Variants in FLT4 observed in about 807,000 individuals in gnomAD.
FLT4 encodes the protein vascular endothelial growth factor receptor 3.
Under a neutral mutation model 163.2 loss-of-function variants are expected in FLT4, and 30 were observed. The ratio of observed to expected loss-of-function variants is 0.18; its 90% CI spans 0.14 to 0.25. The LOEUF (loss-of-function observed/expected upper bound fraction) is 0.25. Ranked by LOEUF, FLT4 falls within the 10% of genes least tolerant of loss-of-function variation. The pLI is 1.00. For synonymous variants in FLT4, 884 were observed against 789.5 expected (o/e 1.12, Z -2.01); for missense variants, 1,510 against 1,863.8 (o/e 0.81, Z 3.50).
At chr5:180,612,711 C>A in intron 25 of FLT4, 100 bp from the exon 26 acceptor site, 1 of 834,768 alleles carries the variant, frequency 1.2e-6, no homozygotes, top group Admixed American at 1.8e-5. Context: ...ACTCTGCCCT[C>A]CTCCTGACAC....
rs1762904778 is a variant in FLT4, at chr5:180,619,045, C to T, written c.2826G>A (p.Lys942=). ...YGNLSNFLRA[K]RDAFSPCAEK... ...CCGCGCAGGGGCTGAAGGCGTCCCG[C>T]TTGGCGCGCAGGAAGTTGGAGAGGT... Residue 942 remains lysine, a synonymous_variant, in exon 20 of 30, where the codon AAG becomes AAA. Coordinates refer to ENST00000261937, the MANE Select transcript of FLT4 (RefSeq NM_182925.5). 6.4e-7 allele frequency: 1 copy of T among 1,555,564 alleles called. No individual in the cohort carries two copies.
Position 180,649,578 on chromosome 5 carries a change from G to A in FLT4, c.-33C>T. ...CGCTGCGCGTGGGTCCGACCCGAGCGGCCGCGGCTCGGGGCTGAAAGTGTC... is the reference window on the plus strand; with the variant it reads ...CGCTGCGCGTGGGTCCGACCCGAGCAGCCGCGGCTCGGGGCTGAAAGTGTC... On this transcript the variant is annotated 5_prime_UTR_variant, in exon 1 of 30. Coordinates refer to ENST00000261937, the MANE Select transcript of FLT4 (RefSeq NM_182925.5). The A allele has an allele frequency of 2.2e-6, 3 of 1,353,144 alleles. No homozygotes were observed. The highest frequency in any genetic ancestry group is 2.8e-4 in the Middle Eastern group (1 of 3,598). The allele number at this position is 1,353,144 out of a possible 1,614,324, so 83.8% of individuals were successfully genotyped here.
At chr5:180,606,303 C>T (rs1761779653) in intron 29 of FLT4, among the ~76,000 whole-genome samples, 1 of 152,246 alleles carries the variant, frequency 6.6e-6, no homozygotes. Context: ...TGGCTCGCCG[C>T]CCTTTCAGAA....
chr5:180,628,362 C>T (rs373808350), intron 8 of FLT4, among the ~76,000 whole-genome samples: 19 of 152,298 alleles, frequency 1.2e-4, no homozygotes, highest in Non-Finnish European at 2.8e-4. Context: ...GCTTGCAGAT[C>T]GGGGATCTGC....
Position 180,622,721 on chromosome 5 carries a change from G to C in FLT4, c.1657+10C>G, listed in dbSNP as rs1251965664. On this transcript the variant is annotated intron_variant, in intron 12 of 29. Transcript: ENST00000261937. ...TACCCAGGCCTCCCCGCCCTGGTCT[G>C]GTCACTCACTGGTCACATAGAAGTA... is the stretch of plus-strand genomic sequence containing the variant. 12 of 1,568,796 alleles carry C rather than the reference G, an allele frequency of 7.6e-6. No individual in the cohort carries two copies. The highest frequency in any genetic ancestry group is 1.1e-5 in the Non-Finnish European group (12 of 1,139,662).
intron 27 of FLT4, among the ~76,000 whole-genome samples, chr5:180,610,775 T>C (rs994709623): frequency 2.6e-5 from 4 of 152,130 alleles, no homozygotes; most frequent in African/African-American, 9.7e-5. Flanking sequence ...AAAAGTACGC[T>C]TGCCGGGCGC....
intron 24 of FLT4, 129 bp downstream of exon 24, chr5:180,613,939 C>A (rs1762412751): frequency 2.7e-6 from 2 of 748,758 alleles, no homozygotes; most frequent in Non-Finnish European, 4.8e-6. Context: ...GGCCCACAAA[C>A]CACCTGCTTC....
intron 22 of FLT4, 94 bp downstream of exon 22, chr5:180,616,806 A>C (rs1047904600): frequency 1.0e-6 from 1 of 989,412 alleles, no homozygotes; most frequent in Non-Finnish European, 1.6e-6. Flanking sequence ...TGGACCACAG[A>C]GCCATTGCAG....
At chr5:180,633,817 C>T (rs1450173938) in intron 1 of FLT4, among the ~76,000 whole-genome samples, 2 of 152,174 alleles carry the variant, frequency 1.3e-5, no homozygotes, top group Non-Finnish European at 2.9e-5. Context: ...TCTACCTTCC[C>T]AGTGGACCTA....
intron 1 of FLT4, among the ~76,000 whole-genome samples, chr5:180,634,530 G>A (rs1012758353): frequency 1.1e-4 from 17 of 151,628 alleles, no homozygotes; most frequent in African/African-American, 3.6e-4. Flanking sequence ...GTGAAATCCC[G>A]TCTCTACTAA....
Position 180,621,906 on chromosome 5 carries a change from T to C in FLT4, c.1658-2A>G. ...CGATGGTGAAGCCGTCGGGGATGGC[T>C]GTGGAGGGAGGAAGAAGCCCTGTGG... On this transcript the variant is annotated splice_acceptor_variant, in intron 12 of 29. Coordinates refer to ENST00000261937, the MANE Select transcript of FLT4 (RefSeq NM_182925.5). LOFTEE classifies it high-confidence loss of function. 2 of 1,613,344 alleles carry C rather than the reference T, an allele frequency of 1.2e-6. No individual in the cohort carries two copies. Among genetic ancestry groups the C allele is most frequent in the Non-Finnish European group, 1.7e-6 (2 of 1,179,944 alleles).
chr5:180,641,947 G>A (rs1195934785), intron 1 of FLT4, among the ~76,000 whole-genome samples: 2 of 152,164 alleles, frequency 1.3e-5, no homozygotes, highest in African/African-American at 2.4e-5. Context: ...AGTGGCTCAC[G>A]CCTGTAATCA....
In FLT4 at chr5:180,622,822, C is replaced by T. The variant is rs1211278939; in HGVS notation, c.1566G>A (p.Val522=). The T allele has an allele frequency of 6.2e-7, 1 of 1,613,000 alleles. No homozygotes were observed. The highest frequency in any genetic ancestry group is 8.5e-7 in the Non-Finnish European group (1 of 1,179,338). Residue 522 remains valine, a synonymous_variant, in exon 12 of 30, where the codon GTG becomes GTA. Transcript: ENST00000261937. ...TGGCAGACACGTTGGCATTCTGGAT[C>T]ACCAGCTTGCTCACAGTCTGGGAGA... ...EGKNKTVSKL[V]IQNANVSAMY... is the part of the protein sequence containing the mutation.
intron 1 of FLT4, 82 bp from the exon 2 acceptor site, chr5:180,631,860 C>T (rs572248095): frequency 8.9e-5 from 88 of 989,142 alleles, no homozygotes; most frequent in Non-Finnish European, 1.2e-4. Flanking sequence ...CATTCTGCAT[C>T]GCAAGCGCAG....
rs1764720028 is a variant in FLT4, at chr5:180,636,739, TCTA to T, written c.59-4964_59-4962del. 6.6e-6 allele frequency among the ~76,000 whole-genome samples: 1 copy of T among 151,914 alleles called. No homozygotes were observed. The highest frequency in any genetic ancestry group is 1.5e-5 in the Non-Finnish European group (1 of 67,990). ...CCGCGCCATCCCGGAACACCTGTCT[TCTA>T]CGTCTCTCTCCCTGCTTCCCCTGTT... On this transcript the variant is annotated intron_variant, in intron 1 of 29. Coordinates refer to ENST00000261937, the MANE Select transcript of FLT4 (RefSeq NM_182925.5). The surrounding 1 kb of genome is among the most constrained non-coding windows in gnomAD (Gnocchi z 4.3).
chr5:180,607,847 G>A, intron 29 of FLT4: 1 of 527,974 alleles, frequency 1.9e-6, no homozygotes, highest in South Asian at 2.5e-5. Flanking sequence ...GGTGCTGAAG[G>A]GACATTGTGA....
At position 180,608,336 on chromosome 5, in the gene FLT4, A is replaced by AC. The variant is rs1761919864; in HGVS notation, c.3893+631_3893+632insG. The AC allele has an allele frequency of 4.3e-6, 3 of 700,858 alleles. No individual in the cohort carries two copies. In the East Asian group the frequency reaches 8.0e-5, roughly 19 times the overall value. 43.4% of individuals were successfully genotyped at this position (700,858 alleles called of 1,614,324 possible). A position where few individuals can be genotyped will look rare whatever the true frequency, so the allele number is the denominator to read the frequency against. On this transcript the variant is annotated intron_variant, in intron 29 of 29. Transcript: ENST00000261937. ...ATCATGTGACTTGCTTCACCTTATC[A>AC]ATCACTTGAACGACTCACCCTCCTG...
rs755861439 is a variant in FLT4 at position 180,630,022 on chromosome 5, G to A, written c.597C>T (p.His199=). 9 of 1,612,678 alleles carry A rather than the reference G, an allele frequency of 5.6e-6. No homozygotes were observed. Among genetic ancestry groups the A allele is most frequent in the Non-Finnish European group, 7.6e-6 (9 of 1,180,010 alleles). ...RGMLVSTPLL[H]DALYLQCETT... The stretch of plus-strand genomic sequence containing the variant: ...TCTCGCACTGCAGGTACAGGGCATC[G>A]TGCAGCAGTGGCGTGGACACGAGCA... The change falls in exon 5 of 30, where the codon CAC becomes CAT. Residue 199 remains histidine, a synonymous_variant. Coordinates refer to ENST00000261937, the MANE Select transcript of FLT4 (RefSeq NM_182925.5). The surrounding 1 kb of genome is among the most constrained non-coding windows in gnomAD (Gnocchi z 6.3).
chr5:180,619,160 C>A, intron 19 of FLT4, 51 bp from the exon 20 acceptor site: 1 of 1,309,524 alleles, frequency 7.6e-7, no homozygotes, highest in South Asian at 1.9e-5. Context: ...GGGCGCGCTG[C>A]GGGCGCGCTC....
Sources: allele counts gnomAD v4.1 joint callset (sites outside exome capture counted in the v4.1 genomes callset), GRCh38; gene constraint gnomAD v4.1.1; non-coding constraint Gnocchi (gnomAD v3.1); transcripts MANE v1.5; gene names NCBI Gene and HGNC (gene_info 2026-07-23, HGNC 2026-07-21).